The following CNTN5 variants were observed in gnomAD, a reference collection of about 807,000 sequenced individuals.
CNTN5 encodes contactin-5.
CNTN5 carries 77 observed loss-of-function variants against 129.1 expected under a neutral mutation model. The observed-to-expected ratio is 0.60, with a 90% CI of 0.50 to 0.72. CNTN5 has a LOEUF of 0.72. Among genes scored for constraint, CNTN5 ranks in the 30% least tolerant of loss-of-function variants. CNTN5 has a pLI of 0.00. For synonymous variants in CNTN5, 509 were observed against 465.6 expected, an observed-to-expected ratio of 1.09 and a Z score of -1.20; for missense variants, 1,478 against 1,328.8, an observed-to-expected ratio of 1.11 and a Z score of -1.75.
chr11:99,573,171 GT>G (rs372222118), intron 3 of CNTN5, among the ~76,000 whole-genome samples: 22 of 146,184 alleles, frequency 1.5e-4, no homozygotes, highest in African/African-American at 2.0e-4. Flanking sequence ...CCCAAGGAGT[GT>G]TTTTTTTTTT....
intron 1 of CNTN5, among the ~76,000 whole-genome samples, chr11:99,262,628 C>G (rs1011846): frequency 1.4e-5 from 2 of 147,770 alleles, no homozygotes; most frequent in Non-Finnish European, 3.0e-5. Context: ...CTTTTTTTTG[C>G]TTCATTATAT....
chr11:100,062,002 A>T (rs1330659771), intron 10 of CNTN5, among the ~76,000 whole-genome samples: 1 of 152,248 alleles, frequency 6.6e-6, no homozygotes, highest in Non-Finnish European at 1.5e-5. Flanking sequence ...ATATTGTCCA[A>T]AAATGCCAGT....
chr11:99,192,576 T>C (rs1204398231), intron 1 of CNTN5, among the ~76,000 whole-genome samples: 1 of 151,960 alleles, frequency 6.6e-6, no homozygotes, highest in Admixed American at 6.6e-5. Flanking sequence ...TATCTTACAA[T>C]TTCCTTTTGA....
intron 2 of CNTN5, among the ~76,000 whole-genome samples, chr11:99,383,001 C>T (rs1489253695): frequency 4.0e-5 from 6 of 151,242 alleles, no homozygotes; most frequent in African/African-American, 1.2e-4. Context: ...GGACTACAGC[C>T]GTCCACCACG....
At chr11:100,077,427 A>G (rs576040323) in intron 13 of CNTN5, among the ~76,000 whole-genome samples, 1 of 152,304 alleles carries the variant, frequency 6.6e-6, no homozygotes, top group South Asian at 2.1e-4. Flanking sequence ...TTTTGGGTTC[A>G]TTCCAAAGAA....
intron 15 of CNTN5, among the ~76,000 whole-genome samples, chr11:100,203,127 C>T (rs1396627822): frequency 6.6e-6 from 1 of 151,988 alleles, no homozygotes; most frequent in East Asian, 1.9e-4. Flanking sequence ...ATAAAATCAT[C>T]AAATTGTTTA....
At chr11:100,095,457 T>C (rs1487473410) in intron 13 of CNTN5, among the ~76,000 whole-genome samples, 1 of 152,122 alleles carries the variant, frequency 6.6e-6, no homozygotes, top group Admixed American at 6.6e-5. Context: ...TTCTGGTGTC[T>C]AGATGTATAT....
At chr11:99,466,322 G>T (rs1944941231) in intron 2 of CNTN5, among the ~76,000 whole-genome samples, 1 of 152,108 alleles carries the variant, frequency 6.6e-6, no homozygotes, top group African/African-American at 2.4e-5. Context: ...AATTCGACAT[G>T]AGATTTGGGA....
chr11:99,609,544 A>T (rs1950534388), intron 3 of CNTN5, among the ~76,000 whole-genome samples: 1 of 152,140 alleles, frequency 6.6e-6, no homozygotes, highest in South Asian at 2.1e-4. Flanking sequence ...CAAGTAGAAA[A>T]TTAGGAATTG....
chr11:99,582,680 T>C (rs542520023), intron 3 of CNTN5, among the ~76,000 whole-genome samples: 12 of 152,336 alleles, frequency 7.9e-5, no homozygotes, highest in African/African-American at 2.9e-4. Flanking sequence ...CTCCATCAGG[T>C]CCTTTAAGAA....
Position 100,063,913 on chromosome 11 carries a change from G to A in CNTN5, c.1162+2520G>A, listed in dbSNP as rs538187412. On this transcript the variant is annotated intron_variant, in intron 10 of 24. Coordinates refer to ENST00000524871, the MANE Select transcript of CNTN5 (RefSeq NM_014361.4). ...TACAAATAAAAAATAAAAGTATGTC[G>A]GTTATCATGTATTCATCCAACTTTT... Among the ~76,000 whole-genome samples the A allele has an allele frequency of 2.2e-3, 331 of 151,926 alleles. 2 individuals carry two copies. The highest frequency in any genetic ancestry group is 0.022 in the South Asian group (104 of 4,814).
intron 6 of CNTN5, among the ~76,000 whole-genome samples, chr11:99,896,066 G>A (rs1487084096): frequency 6.6e-6 from 1 of 152,020 alleles, no homozygotes; most frequent in Non-Finnish European, 1.5e-5. Context: ...ACTCCCAGAG[G>A]TAGCTAACAG....
chr11:100,060,742 C>A (rs141718509), intron 9 of CNTN5, among the ~76,000 whole-genome samples: 13,900 of 150,172 alleles, frequency 0.093, 821 homozygotes, highest in East Asian at 0.18. Context: ...CGGTTTCAAG[C>A]GATTCTCCTG....
intron 15 of CNTN5, among the ~76,000 whole-genome samples, chr11:100,197,939 T>TAAA (rs1948687669): frequency 1.3e-5 from 2 of 151,930 alleles, no homozygotes; most frequent in South Asian, 4.1e-4. Context: ...ATTCTCTGGT[T>TAAA]ATAGCAATAC....
chr11:100,104,462 A>T (rs1945348129), intron 13 of CNTN5, among the ~76,000 whole-genome samples: 1 of 152,284 alleles, frequency 6.6e-6, no homozygotes, highest in South Asian at 2.1e-4. Context: ...CTAGAAAAAA[A>T]AATCACATAT....
chr11:99,686,722 G>A (rs1299565195), intron 3 of CNTN5, among the ~76,000 whole-genome samples: 3 of 152,124 alleles, frequency 2.0e-5, no homozygotes, highest in African/African-American at 4.8e-5. Context: ...AAAGCAAAGA[G>A]AAAGTGTGGG....
chr11:99,230,126 A>T (rs1860911993), intron 1 of CNTN5, among the ~76,000 whole-genome samples: 1 of 152,050 alleles, frequency 6.6e-6, no homozygotes, highest in Non-Finnish European at 1.5e-5. Context: ...TTCGATACTT[A>T]AAAGAGATTA....
At chr11:99,658,384 C>T (rs541791443) in intron 3 of CNTN5, among the ~76,000 whole-genome samples, 65 of 152,186 alleles carry the variant, frequency 4.3e-4, no homozygotes, top group African/African-American at 1.5e-3. Context: ...AGAAATGCTT[C>T]GTGTAGGCTG....
chr11:99,881,966 A>G (rs1591359596), intron 6 of CNTN5, among the ~76,000 whole-genome samples: 1 of 152,302 alleles, frequency 6.6e-6, no homozygotes, highest in Middle Eastern at 3.4e-3. Flanking sequence ...TGAATTTACC[A>G]CTACTCTGCT....
Sources: gnomAD v4.1 joint callset for allele counts (sites outside exome capture counted in the v4.1 genomes callset) on GRCh38, gnomAD v4.1.1 for gene constraint, MANE v1.5 for transcripts, NCBI Gene and HGNC (gene_info 2026-07-23, HGNC 2026-07-21) for gene names.